ZMAT4: variants seen among roughly 807,000 people sequenced by gnomAD.
ZMAT4 encodes zinc finger matrin-type 4.
A neutral mutation model predicts 28.7 loss-of-function variants in ZMAT4; 17 were observed. The ratio of observed to expected loss-of-function variants is 0.59; its 90% confidence interval spans 0.41 to 0.89. ZMAT4 has a LOEUF of 0.89. Ranked by LOEUF, ZMAT4 falls within the 40% of genes least tolerant of loss-of-function variation. The probability of loss-of-function intolerance (pLI) is 0.00; values close to 1 mark genes in which losing one functional copy is unlikely to be tolerated. For synonymous variants in ZMAT4, 117 were observed against 109.2 expected, an observed-to-expected ratio of 1.07 and a Z score of -0.44; for missense variants, 240 against 283.8, an observed-to-expected ratio of 0.85 and a Z score of 1.11.
intron 1 of ZMAT4, among the ~76,000 whole-genome samples, chr8:40,834,437 A>C (rs569431506): frequency 6.6e-6 from 1 of 152,272 alleles, no homozygotes; most frequent in African/African-American, 2.4e-5. Context: ...ATTCTATGCA[A>C]ATCCCACAGA....
intron 1 of ZMAT4, among the ~76,000 whole-genome samples, chr8:40,852,909 A>T (rs1381570258): frequency 6.6e-6 from 1 of 152,234 alleles, no homozygotes; most frequent in Non-Finnish European, 1.5e-5. Flanking sequence ...TCCAAACTTT[A>T]ACACAATTCT....
intron 5 of ZMAT4, among the ~76,000 whole-genome samples, chr8:40,616,942 T>C (rs576395708): frequency 6.6e-6 from 1 of 151,764 alleles, no homozygotes; most frequent in South Asian, 2.1e-4. Context: ...AAACTTGGTT[T>C]TAGGTTTTCT....
At position 40,775,230 on chromosome 8, in the gene ZMAT4, G is replaced by T. The variant is rs539737767; in HGVS notation, c.103-7500C>A. On this transcript the variant is annotated intron_variant, in intron 2 of 6. Coordinates refer to ENST00000297737, the MANE Select transcript of ZMAT4 (RefSeq NM_024645.3). ...AGAATTAAGACCATTGTGTAAAAGT[G>T]TCGTGTACATTTGAAACATGTTGTT... is the stretch of plus-strand genomic sequence containing the variant. Among the ~76,000 whole-genome samples, 3 of 152,216 alleles carry T rather than the reference G, an allele frequency of 2.0e-5. No individual in the cohort carries two copies. In the South Asian group the frequency reaches 6.2e-4, roughly 32 times the overall value.
chr8:40,556,137 G>C (rs1349304290), intron 6 of ZMAT4, among the ~76,000 whole-genome samples: 1 of 151,850 alleles, frequency 6.6e-6, no homozygotes, highest in South Asian at 2.1e-4. Flanking sequence ...GTTTATCCTT[G>C]CTTGCCTCTC....
At position 40,570,722 on chromosome 8, in the gene ZMAT4, G is replaced by T. The variant is rs1037360433; in HGVS notation, c.674+10443C>A. Among the ~76,000 whole-genome samples, 11 of 48,912 alleles carry T rather than the reference G, an allele frequency of 2.2e-4. No homozygotes were observed. In the East Asian group the frequency reaches 7.2e-3, roughly 32 times the overall value. 32.1% of individuals were successfully genotyped at this position (48,912 alleles called of 152,430 possible). A position where few individuals can be genotyped will look rare whatever the true frequency, so the allele number is the denominator to read the frequency against. ...CTCCAAAACAACAAAGAACAACAAC[G>T]ACAGAAAACAAACAAACAAACAAAC... On this transcript the variant is annotated intron_variant, in intron 6 of 6. Coordinates refer to ENST00000297737, the MANE Select transcript of ZMAT4 (RefSeq NM_024645.3).
Position 40,534,365 on chromosome 8 carries a change from C to T in ZMAT4, c.675-2127G>A, listed in dbSNP as rs1041770432. On this transcript the variant is annotated intron_variant, in intron 6 of 6. Transcript: ENST00000297737. Reference sequence around the variant, plus strand: ...TCACTGCTATTAATAAACACGCAGCCATCCAATCCAAGAAGAAAATTCTTT... The same window carrying T: ...TCACTGCTATTAATAAACACGCAGCTATCCAATCCAAGAAGAAAATTCTTT... 2.6e-5 allele frequency among the ~76,000 whole-genome samples: 4 copies of T among 152,264 alleles called. No individual in the cohort carries two copies. In the East Asian group the frequency reaches 7.7e-4, roughly 29 times the overall value.
chr8:40,880,410 T>G (rs769070142), intron 1 of ZMAT4, among the ~76,000 whole-genome samples: 1 of 151,858 alleles, frequency 6.6e-6, no homozygotes, highest in Non-Finnish European at 1.5e-5. Flanking sequence ...AAAATCACGC[T>G]TTCCAGAAAG....
chr8:40,618,119 G>C (rs879527179), intron 5 of ZMAT4, among the ~76,000 whole-genome samples: 1 of 152,132 alleles, frequency 6.6e-6, no homozygotes, highest in Non-Finnish European at 1.5e-5. Flanking sequence ...TTCCACCACT[G>C]GTGTGCATGT....
chr8:40,557,887 A>C (rs1372705422), intron 6 of ZMAT4, among the ~76,000 whole-genome samples: 5 of 152,176 alleles, frequency 3.3e-5, no homozygotes, highest in African/African-American at 1.2e-4. Context: ...TGATTGATAG[A>C]TTGATATGAT....
intron 5 of ZMAT4, among the ~76,000 whole-genome samples, chr8:40,619,163 C>T (rs960710238): frequency 6.6e-6 from 1 of 152,118 alleles, no homozygotes; most frequent in South Asian, 2.1e-4. Context: ...TCAAAGTGGG[C>T]TCTAGTGACC....
At chr8:40,569,680 G>T (rs189272991) in intron 6 of ZMAT4, among the ~76,000 whole-genome samples, 1 of 152,048 alleles carries the variant, frequency 6.6e-6, no homozygotes, top group Non-Finnish European at 1.5e-5. Context: ...CTGTAAAACC[G>T]ACTTTATCCC....
At chr8:40,709,570 T>C (rs1313377230) in intron 3 of ZMAT4, among the ~76,000 whole-genome samples, 1 of 152,250 alleles carries the variant, frequency 6.6e-6, no homozygotes, top group East Asian at 1.9e-4. Context: ...TGCAAAATAA[T>C]GTGTGACAAA....
At chr8:40,822,490 C>T (rs1438406968) in intron 2 of ZMAT4, among the ~76,000 whole-genome samples, 2 of 152,156 alleles carry the variant, frequency 1.3e-5, no homozygotes, top group African/African-American at 4.8e-5. Flanking sequence ...GAGACCCACT[C>T]CATAAGTCAC....
At chr8:40,685,931 G>A (rs980992499) in intron 4 of ZMAT4, among the ~76,000 whole-genome samples, 25 of 152,256 alleles carry the variant, frequency 1.6e-4, no homozygotes, top group African/African-American at 4.1e-4. Context: ...GCCCAGCCAC[G>A]ATAGATGTTA....
chr8:40,779,241 C>T (rs1453191868), intron 2 of ZMAT4, among the ~76,000 whole-genome samples: 3 of 152,138 alleles, frequency 2.0e-5, no homozygotes, highest in East Asian at 1.9e-4. Context: ...GTAAGACATG[C>T]TTTTTGCCTT....
rs148017106 is a variant in ZMAT4 at position 40,823,997 on chromosome 8, C to A, written c.102+1578G>T. 1.8e-3 allele frequency among the ~76,000 whole-genome samples: 277 copies of A among 152,244 alleles called. 1 individual carries two copies. The highest frequency in any genetic ancestry group is 6.2e-3 in the African/African-American group (258 of 41,542). On this transcript the variant is annotated intron_variant, in intron 2 of 6. Transcript: ENST00000297737. ...AGCTTCCAAAGCATTTTCACAGGTA[C>A]AATTTCGATAGATCTCATTTGGTCA...
At chr8:40,884,650 T>C (rs1282074611) in intron 1 of ZMAT4, 4 of 152,330 alleles carry the variant, frequency 2.6e-5, no homozygotes, top group Non-Finnish European at 5.9e-5. Context: ...ATCACTACTT[T>C]CTTCTGCAAA....
intron 5 of ZMAT4, among the ~76,000 whole-genome samples, chr8:40,670,751 C>A (rs1015975614): frequency 5.3e-5 from 8 of 152,112 alleles, no homozygotes; most frequent in African/African-American, 1.9e-4. Context: ...GGAAGATACA[C>A]AAATGACCAA....
At chr8:40,544,478 C>T (rs541652512) in intron 6 of ZMAT4, among the ~76,000 whole-genome samples, 3 of 152,234 alleles carry the variant, frequency 2.0e-5, no homozygotes, top group Non-Finnish European at 2.9e-5. Context: ...TGTGTCTTAC[C>T]GATTGTCTCA....
Sources: allele counts gnomAD v4.1 joint callset (sites outside exome capture counted in the v4.1 genomes callset), GRCh38; gene constraint gnomAD v4.1.1; transcripts MANE v1.5; gene names NCBI Gene and HGNC (gene_info 2026-07-23, HGNC 2026-07-21).